The following WDR93 variants were observed in gnomAD, a reference collection of about 807,000 sequenced individuals.
The protein encoded by WDR93 is WD repeat domain 93.
WDR93 carries 73 observed loss-of-function variants against 82.9 expected under a neutral mutation model. The observed-to-expected ratio is 0.88, with a 90% CI of 0.73 to 1.07. The LOEUF is 1.07. Ranked by LOEUF, WDR93 falls within the 50% of genes least tolerant of loss-of-function variation. The probability of loss-of-function intolerance (pLI) is 0.00; values close to 1 mark genes in which losing one functional copy is unlikely to be tolerated. For missense variants in WDR93, 738 were observed against 826.0 expected (o/e 0.89, Z 1.31); for synonymous variants, 283 against 300.1 (o/e 0.94, Z 0.59).
intron 12 of WDR93, among the ~76,000 whole-genome samples, chr15:89,732,290 C>A (rs1966868873): frequency 6.6e-6 from 1 of 152,140 alleles, no homozygotes; most frequent in Admixed American, 6.6e-5. Flanking sequence ...AGAGATAGTA[C>A]CCTGTTTGTT....
chr15:89,724,043 C>T (rs997955785), intron 8 of WDR93, among the ~76,000 whole-genome samples: 3 of 151,838 alleles, frequency 2.0e-5, no homozygotes, highest in African/African-American at 7.3e-5. Context: ...ACTAGAAATA[C>T]CAAAAAAAAA....
intron 16 of WDR93, among the ~76,000 whole-genome samples, chr15:89,740,861 C>T (rs141271015): frequency 0.011 from 1,596 of 151,104 alleles, 22 homozygotes; most frequent in Non-Finnish European, 0.013. Flanking sequence ...TTAAATTGGC[C>T]GGGCGCGGTG....
intron 1 of WDR93, among the ~76,000 whole-genome samples, chr15:89,694,627 T>A (rs1965076288): frequency 1.3e-5 from 2 of 152,216 alleles, no homozygotes; most frequent in South Asian, 4.1e-4. Context: ...ATATATTTTC[T>A]CCCCATCTGA....
In WDR93 at chr15:89,715,047, C is replaced by A; in HGVS notation, c.708C>A (p.His236Gln). The A allele has an allele frequency of 6.2e-7, 1 of 1,614,054 alleles. No homozygotes were observed. The change falls in exon 6 of 17, where the codon CAC becomes CAA. Residue 236 changes from histidine to glutamine, a missense_variant. Transcript: ENST00000268130. ...AGACTTGGCTCAAGAAACTAGAGCA[C>A]CCCCAACTCACTTCAAATCCAAAGA... ...PKETWLKKLEHPQLTSNPKKK... is the reference protein window; with the variant it reads ...PKETWLKKLEQPQLTSNPKKK...
intron 1 of WDR93, among the ~76,000 whole-genome samples, chr15:89,691,908 T>C (rs1240862288): frequency 2.0e-5 from 3 of 152,126 alleles, no homozygotes. Flanking sequence ...TTTTCCTACA[T>C]TGACAAATAG....
chr15:89,737,527 G>A, intron 14 of WDR93, 46 bp from the exon 15 acceptor site: 1 of 1,612,028 alleles, frequency 6.2e-7, no homozygotes. Context: ...TCCTGTGAGG[G>A]ACAGAGTCCA....
intron 1 of WDR93, among the ~76,000 whole-genome samples, chr15:89,700,381 A>T (rs1224229602): frequency 6.6e-6 from 1 of 152,164 alleles, no homozygotes; most frequent in Non-Finnish European, 1.5e-5. Context: ...CGGTAAAAAA[A>T]GATGACAGTG....
chr15:89,693,735 C>T (rs1056548087), intron 1 of WDR93, among the ~76,000 whole-genome samples: 1 of 152,182 alleles, frequency 6.6e-6, no homozygotes, highest in East Asian at 1.9e-4. Context: ...AAAGGTGCTT[C>T]AGAAGGAATG....
At chr15:89,717,213 C>T (rs1244120158) in intron 7 of WDR93, among the ~76,000 whole-genome samples, 1 of 151,738 alleles carries the variant, frequency 6.6e-6, no homozygotes, top group African/African-American at 2.4e-5. Flanking sequence ...GCATGCACTA[C>T]CACGCCCGGC....
At position 89,731,448 on chromosome 15, in the gene WDR93, G is replaced by A. The variant is rs369409113; in HGVS notation, c.1216G>A (p.Glu406Lys). ...AGTATTGTCCTTCCCCCTAGACCCC[G>A]AGGGTGTGTGGCCCTGTGCTGCGCC... is the stretch of plus-strand genomic sequence containing the variant. ...NRTLKDKADP[E>K]GVWPCAAPIA... Residue 406 changes from glutamate to lysine, a missense_variant, in exon 12 of 17, where the codon GAG becomes AAG. Coordinates refer to ENST00000268130, the MANE Select transcript of WDR93 (RefSeq NM_020212.2). 1.5e-5 allele frequency: 25 copies of A among 1,613,982 alleles called. No homozygotes were observed. In the East Asian group the frequency reaches 2.0e-4, roughly 13 times the overall value.
chr15:89,729,929 A>G (rs190120181), intron 11 of WDR93, among the ~76,000 whole-genome samples, 160 bp downstream of exon 11: 1 of 152,322 alleles, frequency 6.6e-6, no homozygotes, highest in East Asian at 1.9e-4. Context: ...TGTGACCGCA[A>G]GAATCTGTCT....
At chr15:89,741,477 C>G (rs1032477221) in intron 16 of WDR93, among the ~76,000 whole-genome samples, 1 of 152,182 alleles carries the variant, frequency 6.6e-6, no homozygotes, top group African/African-American at 2.4e-5. Flanking sequence ...ACCCTCCCAC[C>G]TGGGCCTTAC....
upstream of WDR93, chr15:89,690,776 A>G (rs1322633124): frequency 3.5e-6 from 2 of 571,160 alleles, no homozygotes; most frequent in South Asian, 2.1e-5. Flanking sequence ...GGGCGGGCAC[A>G]CTTTCTGTAG....
intron 13 of WDR93, 121 bp from the exon 14 acceptor site, chr15:89,735,369 A>C (rs1378137066): frequency 7.2e-6 from 7 of 977,972 alleles, no homozygotes; most frequent in African/African-American, 3.2e-5. Flanking sequence ...GCTACTATGA[A>C]CAGCCTCCTC....
At chr15:89,734,161 C>A (rs1239827967) in intron 13 of WDR93, among the ~76,000 whole-genome samples, 1 of 152,200 alleles carries the variant, frequency 6.6e-6, no homozygotes, top group Non-Finnish European at 1.5e-5. Flanking sequence ...GCCCCAAACA[C>A]CTTATTAATT....
chr15:89,705,696 A>G (rs1567103127), intron 4 of WDR93, 78 bp downstream of exon 4: 1 of 954,344 alleles, frequency 1.0e-6, no homozygotes, highest in Non-Finnish European at 1.7e-6. Context: ...GGAAGCAATG[A>G]TAGCTGGCCT....
At chr15:89,741,792 G>A (rs144821952) in intron 16 of WDR93, among the ~76,000 whole-genome samples, 3,208 of 149,966 alleles carry the variant, frequency 0.021, 122 homozygotes, top group African/African-American at 0.075. Flanking sequence ...TCGCTCTGTC[G>A]CCAGGCTGGA....
chr15:89,737,792 C>T, intron 15 of WDR93, 63 bp downstream of exon 15: 3 of 1,594,920 alleles, frequency 1.9e-6, no homozygotes, highest in Admixed American at 3.4e-5. Context: ...CTCTCACAAA[C>T]AGAGAGAGCC....
intron 8 of WDR93, among the ~76,000 whole-genome samples, chr15:89,725,822 A>G (rs983237298): frequency 6.6e-6 from 1 of 152,166 alleles, no homozygotes; most frequent in East Asian, 1.9e-4. Context: ...TTGGCCTTCC[A>G]AAGTGCTGGG....
Sources: allele counts gnomAD v4.1 joint callset (sites outside exome capture counted in the v4.1 genomes callset), GRCh38; gene constraint gnomAD v4.1.1; transcripts MANE v1.5; gene names NCBI Gene and HGNC (gene_info 2026-07-23, HGNC 2026-07-21).